TMOD1: variants seen among roughly 807,000 people sequenced by gnomAD.
The protein encoded by TMOD1 is tropomodulin 1, also known as tropomodulin-1.
TMOD1 carries 17 observed loss-of-function variants against 40.6 expected under a neutral mutation model. The ratio of observed to expected loss-of-function variants is 0.42; its 90% CI spans 0.29 to 0.63. The LOEUF (loss-of-function observed/expected upper bound fraction) is 0.63, where lower values mean the gene tolerates loss of function less well. TMOD1 is among the 20% of genes least tolerant of loss of function. The pLI is 0.22. For missense variants in TMOD1, 391 were observed against 447.6 expected (o/e 0.87, Z 1.14); for synonymous variants, 181 against 175.0 (o/e 1.03, Z -0.27).
At chr9:97,562,120 A>G (rs1172451625) in intron 4 of TMOD1, among the ~76,000 whole-genome samples, 1 of 152,172 alleles carries the variant, frequency 6.6e-6, no homozygotes, top group Non-Finnish European at 1.5e-5. Flanking sequence ...AAATGAATGG[A>G]TGAAAGAATG....
chr9:97,600,093 T>C lies in TMOD1; in HGVS notation c.*395T>C, dbSNP rs980596968. Reference sequence around the variant, plus strand: ...CACTCTTCCACATGCTTTTGAAGTATTATAAAACACTTTATTACAAATTTG... The same window carrying C: ...CACTCTTCCACATGCTTTTGAAGTACTATAAAACACTTTATTACAAATTTG... On this transcript the variant is annotated 3_prime_UTR_variant, in exon 10 of 10. Coordinates refer to ENST00000259365, the MANE Select transcript of TMOD1 (RefSeq NM_003275.4). The C allele has an allele frequency of 2.0e-6, 2 of 1,015,774 alleles. No homozygotes were observed. The highest frequency in any genetic ancestry group is 5.1e-5 in the Admixed American group (1 of 19,548). The allele number at this position is 1,015,774 out of a possible 1,614,324, so 62.9% of individuals were successfully genotyped here. A position where few individuals can be genotyped will look rare whatever the true frequency, so the allele number is the denominator to read the frequency against.
chr9:97,600,731 A>T lies in TMOD1; in HGVS notation c.*1033A>T. Reference sequence around the variant, plus strand: ...CCGGACAATGGTGAAGAAACTCCAGATATCAAGGAATTGGGAAATCCTGGC... The same window carrying T: ...CCGGACAATGGTGAAGAAACTCCAGTTATCAAGGAATTGGGAAATCCTGGC... On this transcript the variant is annotated 3_prime_UTR_variant, in exon 10 of 10. Transcript: ENST00000259365. The T allele has an allele frequency of 3.0e-6, 3 of 1,007,686 alleles. No individual in the cohort carries two copies. The highest frequency in any genetic ancestry group is 3.6e-6 in the Non-Finnish European group (3 of 843,366). 62.4% of individuals were successfully genotyped at this position (1,007,686 alleles called of 1,614,324 possible). A position where few individuals can be genotyped will look rare whatever the true frequency, so the allele number is the denominator to read the frequency against.
intron 7 of TMOD1, among the ~76,000 whole-genome samples, chr9:97,566,280 G>A (rs10982766): frequency 2.6e-5 from 4 of 152,064 alleles, no homozygotes; most frequent in Non-Finnish European, 5.9e-5. Context: ...GGACCTGCAA[G>A]TCCAGTGCAG....
At chr9:97,526,725 C>T (rs1019019006) in intron 2 of TMOD1, among the ~76,000 whole-genome samples, 1 of 152,184 alleles carries the variant, frequency 6.6e-6, no homozygotes, top group African/African-American at 2.4e-5. Context: ...AGGTGTTTCG[C>T]TTCCAATCCC....
At chr9:97,550,352 C>T (rs754458916) in intron 3 of TMOD1, among the ~76,000 whole-genome samples, 8 of 152,226 alleles carry the variant, frequency 5.3e-5, no homozygotes, top group Middle Eastern at 3.4e-3. Context: ...AGTATTTGTT[C>T]GAATACCTGT....
At chr9:97,589,613 ATTC>A (rs1825960139) in intron 8 of TMOD1, among the ~76,000 whole-genome samples, 1 of 152,124 alleles carries the variant, frequency 6.6e-6, no homozygotes, top group East Asian at 1.9e-4. Context: ...GTGTGTGTGT[ATTC>A]TTAGAATTTT....
At chr9:97,547,372 G>C (rs1034167358) in intron 3 of TMOD1, among the ~76,000 whole-genome samples, 2 of 152,132 alleles carry the variant, frequency 1.3e-5, no homozygotes, top group East Asian at 3.8e-4. Context: ...CTCCTGCCCG[G>C]TAAGATATAA....
chr9:97,511,413 G>T (rs926703904), intron 1 of TMOD1, among the ~76,000 whole-genome samples: 3 of 152,154 alleles, frequency 2.0e-5, no homozygotes, highest in Admixed American at 6.5e-5. Flanking sequence ...AGGCCTTAAA[G>T]GGCCTTAAAT....
chr9:97,535,335 A>G (rs1482531354), intron 2 of TMOD1, among the ~76,000 whole-genome samples: 1 of 152,146 alleles, frequency 6.6e-6, no homozygotes, highest in African/African-American at 2.4e-5. Flanking sequence ...GGAACACTGC[A>G]GCCTCAGACC....
At chr9:97,553,468 G>C in intron 4 of TMOD1, 68 bp downstream of exon 4, 1 of 1,599,006 alleles carries the variant, frequency 6.3e-7, no homozygotes, top group Admixed American at 1.7e-5. Flanking sequence ...AGGGAGCCTT[G>C]TAGGGCTCAT....
intron 2 of TMOD1, among the ~76,000 whole-genome samples, 189 bp downstream of exon 2, chr9:97,524,497 G>GTGT (rs1829969863): frequency 2.1e-5 from 3 of 142,934 alleles, no homozygotes; most frequent in Non-Finnish European, 4.5e-5. Context: ...GAACCAATAG[G>GTGT]GTGTGTGTGT....
intron 4 of TMOD1, among the ~76,000 whole-genome samples, chr9:97,559,792 A>ATATAT (rs1465118191): frequency 2.0e-4 from 7 of 35,072 alleles, no homozygotes; most frequent in Non-Finnish European, 2.9e-4. Flanking sequence ...AAAAAAAAAA[A>ATATAT]AAATATATAT....
rs117167168 is a variant in TMOD1, at chr9:97,590,155, C to G, written c.871-1136C>G. On this transcript the variant is annotated intron_variant, in intron 8 of 9. Coordinates refer to ENST00000259365, the MANE Select transcript of TMOD1 (RefSeq NM_003275.4). Reference sequence around the variant, plus strand: ...CCATCATTTTAGAGCTGCCCACATTCTATTTAGTATGGTTGAACTATCATT... The same window carrying G: ...CCATCATTTTAGAGCTGCCCACATTGTATTTAGTATGGTTGAACTATCATT... Among the ~76,000 whole-genome samples, 89 of 151,926 alleles carry G rather than the reference C, an allele frequency of 5.9e-4. 1 individual carries two copies. The East Asian group carries it at 0.017, about 29-fold the overall frequency.
chr9:97,507,603 C>A (rs552305160), intron 1 of TMOD1, among the ~76,000 whole-genome samples: 6 of 152,336 alleles, frequency 3.9e-5, no homozygotes, highest in African/African-American at 1.4e-4. Flanking sequence ...ATTTGCATAT[C>A]ATTTCAGTGG....
intron 2 of TMOD1, among the ~76,000 whole-genome samples, chr9:97,541,565 G>A (rs1399012310): frequency 6.6e-6 from 1 of 151,536 alleles, no homozygotes; most frequent in Non-Finnish European, 1.5e-5. Flanking sequence ...GATCAGGCTG[G>A]AGTCTAGCGG....
chr9:97,559,807 A>C lies in TMOD1; in HGVS notation c.398-2925A>C, dbSNP rs1355614662. ...AAAAAAAAAAAAAATATATATATATATATATATATATATATATGTCTATCT... is the reference window on the plus strand; with the variant it reads ...AAAAAAAAAAAAAATATATATATATCTATATATATATATATATGTCTATCT... On this transcript the variant is annotated intron_variant, in intron 4 of 9. Coordinates refer to ENST00000259365, the MANE Select transcript of TMOD1 (RefSeq NM_003275.4). Among the ~76,000 whole-genome samples the C allele has an allele frequency of 3.7e-3, 126 of 33,710 alleles. 4 individuals are homozygous for C. Among genetic ancestry groups the C allele is most frequent in the East Asian group, 4.7e-3 (5 of 1,058 alleles). 22.1% of individuals were successfully genotyped at this position (33,710 alleles called of 152,430 possible).
chr9:97,581,392 C>T (rs1301110594), intron 8 of TMOD1, among the ~76,000 whole-genome samples: 2 of 151,920 alleles, frequency 1.3e-5, no homozygotes, highest in Non-Finnish European at 2.9e-5. Context: ...TCCAGTCTGT[C>T]ATAGATGGAC....
intron 3 of TMOD1, among the ~76,000 whole-genome samples, chr9:97,547,370 C>T (rs905308991): frequency 3.9e-5 from 6 of 152,164 alleles, no homozygotes; most frequent in South Asian, 2.1e-4. Context: ...TCCTCCTGCC[C>T]GGTAAGATAT....
intron 1 of TMOD1, among the ~76,000 whole-genome samples, chr9:97,514,804 A>T (rs1479251029): frequency 6.6e-6 from 1 of 152,216 alleles, no homozygotes; most frequent in African/African-American, 2.4e-5. Context: ...GGACGAAAGG[A>T]TTGTGTTGCG....
Sources: allele counts gnomAD v4.1 joint callset (sites outside exome capture counted in the v4.1 genomes callset), GRCh38; gene constraint gnomAD v4.1.1; transcripts MANE v1.5; gene names NCBI Gene and HGNC (gene_info 2026-07-23, HGNC 2026-07-21).